Variants in TAF1D observed in about 807,000 individuals in gnomAD.
TAF1D encodes the protein TATA box-binding protein-associated factor RNA polymerase I subunit D.
Under a neutral mutation model 26.2 loss-of-function variants are expected in TAF1D, and 23 were observed. That is an observed-to-expected ratio of 0.88 (90% CI 0.63 to 1.25). The LOEUF (loss-of-function observed/expected upper bound fraction) is 1.25. TAF1D is among the 50% of genes most tolerant of loss of function. The probability of loss-of-function intolerance (pLI) is 0.00; values close to 1 mark genes in which losing one functional copy is unlikely to be tolerated. For missense variants in TAF1D, 299 were observed against 322.0 expected (o/e 0.93, Z 0.55); for synonymous variants, 100 against 105.6 (o/e 0.95, Z 0.33).
At position 93,735,829 on chromosome 11, in the gene TAF1D, A is replaced by AT; in HGVS notation, c.*331_*332insA. On this transcript the variant is annotated 3_prime_UTR_variant, in exon 6 of 6. Transcript: ENST00000448108. ...GATGGTTGGGTGTCAAGTTACTTTA[A>AT]GATTTTCTTTTCAAAATTAAAATCA... 1 of 1,073,314 alleles carries AT rather than the reference A, an allele frequency of 9.3e-7. No individual in the cohort carries two copies. Among genetic ancestry groups the AT allele is most frequent in the Non-Finnish European group, 1.1e-6 (1 of 885,720 alleles). The allele number at this position is 1,073,314 out of a possible 1,614,324, so 66.5% of individuals were successfully genotyped here.
chr11:93,731,097 C>CCATTA (rs1938600974), downstream of TAF1D: 1 of 512,442 alleles, frequency 2.0e-6, no homozygotes, highest in Non-Finnish European at 3.9e-6. Flanking sequence ...TTGGTAATGA[C>CCATTA]CATTACACCC....
downstream of TAF1D, chr11:93,732,996 TTC>T (rs755947874): frequency 3.4e-5 from 11 of 323,850 alleles, no homozygotes; most frequent in Non-Finnish European, 5.4e-5. Context: ...ATCTTACTAA[TTC>T]TGTGTTATAC....
At chr11:93,736,454 T>C (rs929530324) in intron 5 of TAF1D, 150 bp from the exon 6 acceptor site, 14 of 1,423,154 alleles carry the variant, frequency 9.8e-6, no homozygotes, top group Non-Finnish European at 1.2e-5. Context: ...ATTTTTTCAT[T>C]TGACATCCTA....
chr11:93,730,818 A>G (rs1938510759), downstream of TAF1D: 1 of 402,220 alleles, frequency 2.5e-6, no homozygotes, highest in African/African-American at 2.1e-5. Context: ...CTCTACTACA[A>G]ACTGCTTGGT....
chr11:93,734,552 G>C, downstream of TAF1D: 1 of 454,784 alleles, frequency 2.2e-6, no homozygotes, highest in Non-Finnish European at 4.3e-6. Flanking sequence ...TGAATAAAAT[G>C]AAACTTGCTC....
chr11:93,733,627 A>C (rs984204099), downstream of TAF1D: 2 of 493,402 alleles, frequency 4.1e-6, no homozygotes, highest in African/African-American at 4.0e-5. Flanking sequence ...ATTTTTTTTT[A>C]AAGACACAGG....
downstream of TAF1D, chr11:93,732,215 G>C: frequency 2.1e-6 from 1 of 485,942 alleles, no homozygotes; most frequent in Non-Finnish European, 4.1e-6. Flanking sequence ...AGGGAAACAA[G>C]CAGAATCAAT....
intron 3 of TAF1D, among the ~76,000 whole-genome samples, chr11:93,737,521 G>GT (rs1435036298): frequency 6.6e-6 from 1 of 152,136 alleles, no homozygotes; most frequent in Non-Finnish European, 1.5e-5. Flanking sequence ...GATTTCTAAT[G>GT]TTTACTATAA....
At chr11:93,732,121 C>G (rs779767552), downstream of TAF1D, 1 of 518,556 alleles carries the variant, frequency 1.9e-6, no homozygotes, top group Admixed American at 1.9e-5. Flanking sequence ...TGCCCATTCT[C>G]TAGAATGAGG....
chr11:93,735,032 G>A, downstream of TAF1D: 1 of 1,266,486 alleles, frequency 7.9e-7, no homozygotes, highest in Non-Finnish European at 1.0e-6. Flanking sequence ...GGGATTGCAG[G>A]CTTGACCCAT....
chr11:93,739,916 T>C (rs1941477091), intron 1 of TAF1D, among the ~76,000 whole-genome samples: 1 of 119,876 alleles, frequency 8.3e-6, no homozygotes, highest in Non-Finnish European at 1.6e-5. Context: ...TGAACTATCA[T>C]AATTCTTGTG....
chr11:93,734,603 G>GA (rs1171824260), downstream of TAF1D: 1 of 643,070 alleles, frequency 1.6e-6, no homozygotes. Flanking sequence ...AATATGATGT[G>GA]AAAACTCAAA....
chr11:93,736,315 C>T lies in TAF1D; in HGVS notation c.694-11G>A, dbSNP rs1468602068. 2 of 1,586,426 alleles carry T rather than the reference C, an allele frequency of 1.3e-6. No homozygotes were observed. The highest frequency in any genetic ancestry group is 1.4e-5 in the African/African-American group (1 of 73,078). ...TATGAAACTATCCCCCTGCATAAAA[C>T]AAACAAAAAATCATGGATTAAGCAA... is the stretch of plus-strand genomic sequence containing the variant. On this transcript the variant is annotated splice_polypyrimidine_tract_variant and intron_variant, in intron 5 of 5. Transcript: ENST00000448108.
At chr11:93,733,646 T>C (rs184097182), downstream of TAF1D, 5 of 491,384 alleles carry the variant, frequency 1.0e-5, no homozygotes, top group African/African-American at 8.0e-5. Flanking sequence ...GGATCTGCCA[T>C]GTCTTTTAAA....
intron 2 of TAF1D, among the ~76,000 whole-genome samples, 176 bp from the exon 3 acceptor site, chr11:93,738,675 T>C (rs1175854353): frequency 2.0e-5 from 3 of 151,698 alleles, no homozygotes; most frequent in African/African-American, 7.2e-5. Context: ...TCATCCTATT[T>C]AAATAGCCCA....
downstream of TAF1D, chr11:93,732,476 T>A (rs752141898): frequency 1.9e-6 from 1 of 518,844 alleles, no homozygotes; most frequent in East Asian, 5.4e-5. Flanking sequence ...TGTAAACTGC[T>A]GAGTGCAGAT....
At chr11:93,733,236 G>C (rs1164488321), downstream of TAF1D, 1 of 519,102 alleles carries the variant, frequency 1.9e-6, no homozygotes, top group South Asian at 1.4e-5. Flanking sequence ...AGCTCTGTCA[G>C]AATTAAGTTT....
chr11:93,737,329 A>G, intron 3 of TAF1D, 90 bp from the exon 4 acceptor site: 1 of 829,096 alleles, frequency 1.2e-6, no homozygotes, highest in East Asian at 2.7e-5. Context: ...GCCCCCCCTT[A>G]GCAAAGACTC....
chr11:93,740,690 GTTT>G (rs926183544), intron 1 of TAF1D, among the ~76,000 whole-genome samples: 3 of 152,038 alleles, frequency 2.0e-5, no homozygotes, highest in African/African-American at 4.8e-5. Context: ...GGTCTTACTA[GTTT>G]TTTTAAGTAC....
Sources: allele counts gnomAD v4.1 joint callset (sites outside exome capture counted in the v4.1 genomes callset), GRCh38; gene constraint gnomAD v4.1.1; transcripts MANE v1.5; gene names NCBI Gene and HGNC (gene_info 2026-07-23, HGNC 2026-07-21).